CCDC28B: variants seen among roughly 807,000 people sequenced by gnomAD.
CCDC28B encodes coiled-coil domain-containing protein 28B.
CCDC28B carries 17 observed loss-of-function variants against 18.7 expected under a neutral mutation model. The ratio of observed to expected loss-of-function variants is 0.91; its 90% CI spans 0.62 to 1.36. The LOEUF is 1.36. Among genes scored for constraint, CCDC28B ranks in the 40% most tolerant of loss-of-function variants. The pLI is 0.00. For synonymous variants in CCDC28B, 116 were observed against 105.1 expected, an observed-to-expected ratio of 1.10 and a Z score of -0.64; for missense variants, 213 against 251.7, an observed-to-expected ratio of 0.85 and a Z score of 1.04.
upstream of CCDC28B, chr1:32,198,381 C>T (rs1261643984): frequency 6.6e-6 from 1 of 152,282 alleles, no homozygotes; most frequent in African/African-American, 2.4e-5. Context: ...TGCTGCAGAG[C>T]GCCCATGGTG....
chr1:32,205,033 G>T lies in CCDC28B; in HGVS notation c.549-161G>T, dbSNP rs1643278185. 3.4e-6 allele frequency: 4 copies of T among 1,165,888 alleles called. No individual in the cohort carries two copies. Among genetic ancestry groups the T allele is most frequent in the Admixed American group, 2.7e-5 (1 of 36,592 alleles). The allele number at this position is 1,165,888 out of a possible 1,614,324, so 72.2% of individuals were successfully genotyped here. ...CACGATCTGGATGAAGAGAGAGGGG[G>T]TGAGAGAGGGCAGGCGGGGACTGCA... On this transcript the variant is annotated intron_variant, in intron 5 of 5. Coordinates refer to ENST00000373602, the MANE Select transcript of CCDC28B (RefSeq NM_024296.5). This position sits in a 1 kb window ranked among gnomAD's most constrained non-coding sequence, Gnocchi z 5.6.
chr1:32,205,336 G>GAACTATGC lies in CCDC28B; in HGVS notation c.*88_*89insAACTATGC. 1 of 1,320,622 alleles carries GAACTATGC rather than the reference G, an allele frequency of 7.6e-7. No homozygotes were observed. 81.8% of individuals were successfully genotyped at this position (1,320,622 alleles called of 1,614,324 possible). ...CGGGCGGGTGTTCTGCGGCCCCCCA[G>GAACTATGC]GTGCTATGGGGGAGGGGGGCGTTGA... On this transcript the variant is annotated 3_prime_UTR_variant, in exon 6 of 6. Coordinates refer to ENST00000373602, the MANE Select transcript of CCDC28B (RefSeq NM_024296.5). The surrounding 1 kb of genome is among the most constrained non-coding windows in gnomAD (Gnocchi z 5.6).
chr1:32,205,266 AC>A lies in CCDC28B; in HGVS notation c.*19del, dbSNP rs1643289035. The A allele has an allele frequency of 6.2e-7, 1 of 1,604,160 alleles. No homozygotes were observed. Among genetic ancestry groups the A allele is most frequent in the African/African-American group, 1.3e-5 (1 of 74,818 alleles). On this transcript the variant is annotated 3_prime_UTR_variant, in exon 6 of 6. Transcript: ENST00000373602. This position sits in a 1 kb window ranked among gnomAD's most constrained non-coding sequence, Gnocchi z 5.6. ...CTGCGTAGGCGTCCCACGCAGGCCCACACTGCCCCTCTCATTCTCTTCAAAC... is the reference window on the plus strand; with the variant it reads ...CTGCGTAGGCGTCCCACGCAGGCCCAACTGCCCCTCTCATTCTCTTCAAAC...
At position 32,202,052 on chromosome 1, in the gene CCDC28B, A is replaced by G; in HGVS notation, c.117A>G (p.Leu39=). The change falls in exon 2 of 6, where the codon CTA becomes CTG. Residue 39 remains leucine (L), a synonymous_variant. Transcript: ENST00000373602. The part of the protein sequence containing the change: ...VPTSHSGSLA[L]GLPHLPSPKQ... ...CCAGCCACAGCGGCTCCTTGGCCCT[A>G]GGACTTCCTCATCTGCCATCCCCCA... The G allele has an allele frequency of 1.2e-6, 2 of 1,613,768 alleles. No homozygotes were observed. The highest frequency in any genetic ancestry group is 1.7e-4 in the Middle Eastern group (1 of 6,060).
At chr1:32,202,305 A>T in intron 2 of CCDC28B, 1 of 713,706 alleles carries the variant, frequency 1.4e-6, no homozygotes, top group Non-Finnish European at 2.5e-6. Flanking sequence ...CTGGGATCAC[A>T]TAGCGTGAGG....
rs1421336347 is a variant in CCDC28B at position 32,201,870 on chromosome 1, A to G, written c.-23-43A>G. On this transcript the variant is annotated intron_variant, in intron 1 of 5. Coordinates refer to ENST00000373602, the MANE Select transcript of CCDC28B (RefSeq NM_024296.5). The stretch of plus-strand genomic sequence containing the variant: ...CTCAGGGATTTCTGGGTGAAGGGCT[A>G]ACTTTGCCCCTGGCTATCTTTGTGG... 7 of 1,500,124 alleles carry G rather than the reference A, an allele frequency of 4.7e-6. No homozygotes were observed. The African/African-American group carries it at 9.8e-5, about 21-fold the overall frequency. The allele number at this position is 1,500,124 out of a possible 1,614,324, so 92.9% of individuals were successfully genotyped here.
In CCDC28B at chr1:32,202,098, A is replaced by G. The variant is rs1353976652; in HGVS notation, c.163A>G (p.Arg55Gly). 2 of 1,612,244 alleles carry G rather than the reference A, an allele frequency of 1.2e-6. No individual in the cohort carries two copies. The highest frequency in any genetic ancestry group is 1.7e-6 in the Non-Finnish European group (2 of 1,179,068). ...CCCCAAGCAGCGGGCCAAGTTCAAG[A>G]GGTGGGTACAGAAGGGAAGGAAAGG... The part of the protein sequence containing the change: ...PSPKQRAKFK[R>G]VGKEKCRPVL... The change falls in exon 2 of 6, where the codon AGA becomes GGA. Residue 55 changes from arginine to glycine, a missense_variant and splice_region_variant. Physicochemically the swap from Arg to Gly is moderately radical, Grantham distance 125. Coordinates refer to ENST00000373602, the MANE Select transcript of CCDC28B (RefSeq NM_024296.5).
upstream of CCDC28B, among the ~76,000 whole-genome samples, chr1:32,199,851 C>T (rs1036549206): frequency 2.0e-5 from 3 of 152,210 alleles, no homozygotes; most frequent in African/African-American, 7.2e-5. Context: ...GGGACCTGCG[C>T]CAGGAGCCTC....
At position 32,205,183 on chromosome 1, in the gene CCDC28B, G is replaced by C; in HGVS notation, c.549-11G>C. ...ACTGGTCCAAAGCGCCACGATCCTT[G>C]ACGGGCACAGCCAGAAGCTGCACCT... On this transcript the variant is annotated splice_polypyrimidine_tract_variant and intron_variant, in intron 5 of 5. Coordinates refer to ENST00000373602, the MANE Select transcript of CCDC28B (RefSeq NM_024296.5). The surrounding 1 kb of genome is among the most constrained non-coding windows in gnomAD (Gnocchi z 5.6). 6.2e-7 allele frequency: 1 copy of C among 1,613,810 alleles called. No homozygotes were observed. Among genetic ancestry groups the C allele is most frequent in the African/African-American group, 1.3e-5 (1 of 75,054 alleles).
chr1:32,201,859 G>C (rs1643153096), intron 1 of CCDC28B, 54 bp from the exon 2 acceptor site: 2 of 1,452,396 alleles, frequency 1.4e-6, no homozygotes, highest in East Asian at 2.3e-5. Context: ...GGGATTTCTG[G>C]GTGAAGGGCT....
chr1:32,204,553 G>A (rs1314332755), intron 4 of CCDC28B, 45 bp from the exon 5 acceptor site: 1 of 1,533,574 alleles, frequency 6.5e-7, no homozygotes, highest in Non-Finnish European at 8.7e-7. Flanking sequence ...GATTTGGCCT[G>A]GTTCCCCTCC....
upstream of CCDC28B, among the ~76,000 whole-genome samples, chr1:32,198,827 A>AG (rs1010931633): frequency 4.6e-5 from 7 of 152,210 alleles, no homozygotes; most frequent in East Asian, 1.9e-4. Context: ...TCCAGAGGGC[A>AG]GGGGGGGCAA....
chr1:32,202,902 G>A (rs1643178728), intron 2 of CCDC28B: 1 of 152,762 alleles, frequency 6.5e-6, no homozygotes, highest in Non-Finnish European at 1.5e-5. Flanking sequence ...GGGACGCTGA[G>A]GCAGGCAGAT....
At chr1:32,198,534 C>A (rs567235330), upstream of CCDC28B, among the ~76,000 whole-genome samples, 141 of 152,302 alleles carry the variant, frequency 9.3e-4, no homozygotes, top group South Asian at 2.9e-3. Context: ...CACACACACA[C>A]AAAAAAGTTT....
intron 1 of CCDC28B, among the ~76,000 whole-genome samples, chr1:32,201,303 T>C (rs959320077): frequency 1.3e-5 from 2 of 152,112 alleles, no homozygotes; most frequent in African/African-American, 4.8e-5. Context: ...GCGGGACCTA[T>C]AGGGAGTCCC....
upstream of CCDC28B, among the ~76,000 whole-genome samples, chr1:32,200,191 AG>A (rs1643117686): frequency 6.6e-6 from 1 of 152,132 alleles, no homozygotes; most frequent in African/African-American, 2.4e-5. Flanking sequence ...ATCTTCCTTA[AG>A]GGTTGTTATG....
intron 2 of CCDC28B, 117 bp from the exon 3 acceptor site, chr1:32,203,762 G>A (rs1261048129): frequency 5.4e-6 from 4 of 740,768 alleles, no homozygotes. Context: ...AAGTAGATGG[G>A]CAGATGAGTT....
At chr1:32,201,868 C>A in intron 1 of CCDC28B, 45 bp from the exon 2 acceptor site, 1 of 1,494,484 alleles carries the variant, frequency 6.7e-7, no homozygotes, top group Non-Finnish European at 9.0e-7. Context: ...GGGTGAAGGG[C>A]TAACTTTGCC....
chr1:32,204,006 C>T lies in CCDC28B; in HGVS notation c.292C>T (p.Leu98=), dbSNP rs1643225817. 2 of 1,564,292 alleles carry T rather than the reference C, an allele frequency of 1.3e-6. No homozygotes were observed. The highest frequency in any genetic ancestry group is 1.7e-6 in the Non-Finnish European group (2 of 1,156,632). Residue 98 remains leucine (L), a synonymous_variant, in exon 3 of 6, where the codon CTG becomes TTG. Transcript: ENST00000373602. ...TGAGATGGAGGGGGGACTCCTGAAC[C>T]TGCTCAATGATTTCCACTCTGGCCG... ...VYEMEGGLLN[L]LNDFHSGRLQ...
Sources: gnomAD v4.1 joint callset for allele counts (sites outside exome capture counted in the v4.1 genomes callset) on GRCh38, gnomAD v4.1.1 for gene constraint, Gnocchi (gnomAD v3.1) non-coding constraint, MANE v1.5 for transcripts, NCBI Gene and HGNC (gene_info 2026-07-23, HGNC 2026-07-21) for gene names.